The following RAB9B variants were observed in gnomAD, a reference collection of about 807,000 sequenced individuals.
The protein encoded by RAB9B is ras-related protein Rab-9B.
Under a neutral mutation model 8.9 loss-of-function variants are expected in RAB9B, and 1 was observed. The observed-to-expected ratio is 0.11, with a 90% CI of 0.04 to 0.53. The LOEUF is 0.53. RAB9B is among the 20% of genes least tolerant of loss of function. The pLI is 0.93. For synonymous variants in RAB9B, 63 were observed against 57.0 expected, an observed-to-expected ratio of 1.10 and a Z score of -0.47; for missense variants, 82 against 152.9, an observed-to-expected ratio of 0.54 and a Z score of 2.45.
chrX:103,788,755 G>A, the RAB9B span: 2 of 400,180 alleles, frequency 5.0e-6, no homozygotes, highest in Non-Finnish European at 8.7e-6. Flanking sequence ...AGAGAAGTTT[G>A]TAGCTTTAGG....
the RAB9B span, among the ~76,000 whole-genome samples, chrX:103,804,112 A>G: frequency 3.6e-5 from 4 of 112,160 alleles, no homozygotes; most frequent in African/African-American, 1.3e-4. Context: ...TTTTCTTCTA[A>G]GAGTTTTATA....
chrX:103,782,476 G>C, the RAB9B span, among the ~76,000 whole-genome samples: 1 of 112,000 alleles, frequency 8.9e-6, no homozygotes, highest in African/African-American at 3.3e-5. Context: ...TTATCACCCA[G>C]TAAGAACACA....
Position 103,825,031 on chromosome X carries a change from A to G in RAB9B, c.*148T>C. On this transcript the variant is annotated 3_prime_UTR_variant, in exon 3 of 3. Coordinates refer to ENST00000243298, the MANE Select transcript of RAB9B (RefSeq NM_016370.4). ...ATTTTTAATTTTTTTAAATCAATCTACACTTCAATTTGAAAGGCTCTGTTT... is the reference window on the plus strand; with the variant it reads ...ATTTTTAATTTTTTTAAATCAATCTGCACTTCAATTTGAAAGGCTCTGTTT... The G allele has an allele frequency of 3.2e-6, 2 of 620,862 alleles. No individual in the cohort carries two copies. Among genetic ancestry groups the G allele is most frequent in the South Asian group, 8.6e-5 (2 of 23,241 alleles). 51.2% of individuals were successfully genotyped at this position (620,862 alleles called of 1,213,427 possible).
At chrX:103,790,445 C>T in the RAB9B span, 4 of 695,032 alleles carry the variant, frequency 5.8e-6, no homozygotes, top group African/African-American at 6.4e-5. Flanking sequence ...TTATTTCTAC[C>T]CTTCCTCATT....
At chrX:103,779,289 C>A in the RAB9B span, among the ~76,000 whole-genome samples, 1 of 112,175 alleles carries the variant, frequency 8.9e-6, no homozygotes, top group Admixed American at 9.5e-5. Flanking sequence ...ACCCTGGTAA[C>A]CAGACTGTGA....
chrX:103,783,949 T>TCA, the RAB9B span, among the ~76,000 whole-genome samples: 1 of 112,224 alleles, frequency 8.9e-6, no homozygotes, highest in Non-Finnish European at 1.9e-5. Flanking sequence ...ATACATATAT[T>TCA]TATATATATA....
At chrX:103,815,318 TA>T in the RAB9B span, among the ~76,000 whole-genome samples, 1 of 112,450 alleles carries the variant, frequency 8.9e-6, no homozygotes, top group Non-Finnish European at 1.9e-5. Flanking sequence ...ATCCATCACA[TA>T]AACAGAACCA....
chrX:103,785,898 C>A, the RAB9B span: 1 of 742,161 alleles, frequency 1.3e-6, no homozygotes, highest in Non-Finnish European at 2.1e-6. Context: ...CCCGAGTCTT[C>A]CCTCTGTGCA....
chrX:103,804,663 C>G, the RAB9B span, among the ~76,000 whole-genome samples: 4 of 111,778 alleles, frequency 3.6e-5, no homozygotes, highest in African/African-American at 9.7e-5. Context: ...AAACAGAACA[C>G]CTTTCCGTTT....
the RAB9B span, among the ~76,000 whole-genome samples, chrX:103,799,309 A>G: frequency 9.0e-6 from 1 of 111,406 alleles, no homozygotes; most frequent in African/African-American, 3.3e-5. Flanking sequence ...ATTTCCTTTG[A>G]AAGGCACTTA....
the RAB9B span, among the ~76,000 whole-genome samples, chrX:103,794,192 T>C: frequency 1.9e-3 from 215 of 111,415 alleles, 2 homozygotes; most frequent in East Asian, 0.022. Context: ...GGCAGTCTGA[T>C]CGGCTGACTC....
At chrX:103,785,078 CT>C in the RAB9B span, among the ~76,000 whole-genome samples, 35 of 105,862 alleles carry the variant, frequency 3.3e-4, no homozygotes, top group African/African-American at 5.8e-4. Context: ...TTCTTTCTTT[CT>C]TTTTTTTTTT....
At chrX:103,805,741 T>C in the RAB9B span, among the ~76,000 whole-genome samples, 2 of 105,492 alleles carry the variant, frequency 1.9e-5, no homozygotes, top group Non-Finnish European at 4.0e-5. Flanking sequence ...ACTAGGTTTT[T>C]TTAAAAATAA....
At chrX:103,783,935 A>G in the RAB9B span, among the ~76,000 whole-genome samples, 1 of 112,344 alleles carries the variant, frequency 8.9e-6, no homozygotes, top group Non-Finnish European at 1.9e-5. Flanking sequence ...ATCAGTGGGT[A>G]TATATACATA....
At chrX:103,806,919 G>A in the RAB9B span, among the ~76,000 whole-genome samples, 17 of 111,738 alleles carry the variant, frequency 1.5e-4, no homozygotes, top group Admixed American at 1.9e-4. Flanking sequence ...GAAAAACATT[G>A]ACTATTTGAT....
chrX:103,799,653 A>G, the RAB9B span, among the ~76,000 whole-genome samples: 2 of 111,936 alleles, frequency 1.8e-5, no homozygotes, highest in Non-Finnish European at 1.9e-5. Context: ...TTTAAAATAT[A>G]CAACCAATTC....
chrX:103,776,724 C>T, the RAB9B span: 1 of 338,769 alleles, frequency 3.0e-6, no homozygotes, highest in Admixed American at 5.4e-5. Flanking sequence ...AAGATGGAGC[C>T]CTTAGAGAAG....
the RAB9B span, among the ~76,000 whole-genome samples, chrX:103,812,177 C>T: frequency 7.3e-5 from 8 of 110,112 alleles, no homozygotes; most frequent in East Asian, 2.9e-4. Context: ...TATAAGGGCA[C>T]GAATCCCATT....
At chrX:103,812,800 C>G in the RAB9B span, among the ~76,000 whole-genome samples, 1 of 110,635 alleles carries the variant, frequency 9.0e-6, no homozygotes. Flanking sequence ...CAAACCTTTC[C>G]TTTTTTTGCA....
Sources: allele counts gnomAD v4.1 joint callset (sites outside exome capture counted in the v4.1 genomes callset), GRCh38; gene constraint gnomAD v4.1.1; transcripts MANE v1.5; gene names NCBI Gene and HGNC (gene_info 2026-07-23, HGNC 2026-07-21).